Variants in PRIM2 observed in about 807,000 individuals in gnomAD.
The protein encoded by PRIM2 is DNA primase large subunit.
In PRIM2, 39 loss-of-function variants were observed where a neutral mutation model predicts 67.3. The observed-to-expected ratio is 0.58, with a 90% CI of 0.45 to 0.76. PRIM2 has a LOEUF of 0.76. Ranked by LOEUF, PRIM2 falls within the 30% of genes least tolerant of loss-of-function variation. The pLI, the probability that PRIM2 is intolerant of heterozygous loss-of-function variation, is 0.00. For synonymous variants in PRIM2, 143 were observed against 198.7 expected, an observed-to-expected ratio of 0.72 and a Z score of 2.36; for missense variants, 398 against 598.7, an observed-to-expected ratio of 0.66 and a Z score of 3.50.
chr6:57,513,518 G>A (rs1334124327), intron 8 of PRIM2, among the ~76,000 whole-genome samples: 3 of 151,998 alleles, frequency 2.0e-5, no homozygotes, highest in Non-Finnish European at 4.4e-5. Context: ...AACGCCTACA[G>A]TGTATGTATC....
chr6:57,550,064 A>C (rs1393312771), intron 10 of PRIM2, among the ~76,000 whole-genome samples: 6 of 152,156 alleles, frequency 3.9e-5, no homozygotes, highest in African/African-American at 7.2e-5. Flanking sequence ...CAGCCTGGGC[A>C]ACAAGAGCGA....
the PRIM2 span, among the ~76,000 whole-genome samples, chr6:57,289,455 C>T: frequency 8.2e-3 from 1,251 of 152,186 alleles, 24 homozygotes; most frequent in African/African-American, 0.029. Flanking sequence ...ATACAGGGAA[C>T]ACCACAAAGA....
At chr6:57,319,454 G>A (rs1767580100) in intron 2 of PRIM2, among the ~76,000 whole-genome samples, 1 of 152,222 alleles carries the variant, frequency 6.6e-6, no homozygotes, top group Non-Finnish European at 1.5e-5. Flanking sequence ...CAGAGAGGAG[G>A]CACTCAGTGC....
chr6:57,472,141 G>A (rs1476124076), intron 7 of PRIM2, among the ~76,000 whole-genome samples: 1 of 151,954 alleles, frequency 6.6e-6, no homozygotes, highest in Non-Finnish European at 1.5e-5. Flanking sequence ...CTGAAACTGT[G>A]CACTTTGGCT....
chr6:57,612,620 C>T (rs1776687291), intron 12 of PRIM2, among the ~76,000 whole-genome samples: 1 of 152,142 alleles, frequency 6.6e-6, no homozygotes, highest in South Asian at 2.1e-4. Context: ...GTGTTGATTG[C>T]AGGGTAATAT....
chr6:57,256,625 TTCTCTTAC>T, the PRIM2 span, among the ~76,000 whole-genome samples: 1 of 121,202 alleles, frequency 8.3e-6, no homozygotes, highest in African/African-American at 3.4e-5. Context: ...CTCTTTCTCT[TTCTCTTAC>T]ACACACACAC....
At chr6:57,325,631 A>G (rs1212996856) in intron 4 of PRIM2, among the ~76,000 whole-genome samples, 6 of 152,208 alleles carry the variant, frequency 3.9e-5, no homozygotes, top group African/African-American at 1.4e-4. Flanking sequence ...TTGCAGTTAC[A>G]TTAAATGCAT....
At chr6:57,614,067 C>CA (rs1406890645) in intron 12 of PRIM2, among the ~76,000 whole-genome samples, 18 of 152,130 alleles carry the variant, frequency 1.2e-4, no homozygotes, top group Admixed American at 5.2e-4. Context: ...GGTACTTGTC[C>CA]ATGGCCTGTT....
intron 8 of PRIM2, among the ~76,000 whole-genome samples, chr6:57,525,485 A>G (rs1296828594): frequency 2.6e-5 from 4 of 152,146 alleles, no homozygotes; most frequent in Non-Finnish European, 5.9e-5. Context: ...CTAGTTGCTC[A>G]TTCCTACTGA....
intron 7 of PRIM2, among the ~76,000 whole-genome samples, chr6:57,484,208 A>G (rs1562773406): frequency 6.6e-6 from 1 of 152,236 alleles, no homozygotes; most frequent in South Asian, 2.1e-4. Flanking sequence ...GCTTTAGCAC[A>G]TGGAACATTA....
chr6:57,474,143 T>C (rs1773407380), intron 7 of PRIM2, among the ~76,000 whole-genome samples: 2 of 151,826 alleles, frequency 1.3e-5, no homozygotes, highest in African/African-American at 4.8e-5. Flanking sequence ...TGTTTGTGTT[T>C]GCTATCTACT....
chr6:57,453,010 C>G (rs1419892488), intron 7 of PRIM2, among the ~76,000 whole-genome samples: 7 of 152,120 alleles, frequency 4.6e-5, no homozygotes, highest in Non-Finnish European at 8.8e-5. Flanking sequence ...ATATGGCTAG[C>G]CAGTTTTCCC....
intron 5 of PRIM2, among the ~76,000 whole-genome samples, chr6:57,378,601 G>C (rs1455759984): frequency 1.3e-5 from 2 of 152,140 alleles, no homozygotes; most frequent in African/African-American, 4.8e-5. Flanking sequence ...TAATGTGAAG[G>C]TTCCTCCAGA....
intron 7 of PRIM2, among the ~76,000 whole-genome samples, chr6:57,429,548 G>GCC (rs549064572): frequency 1.3e-5 from 2 of 152,076 alleles, no homozygotes; most frequent in African/African-American, 4.8e-5. Flanking sequence ...CTGAATTGTG[G>GCC]CCCCCCAACA....
chr6:57,630,827 A>G (rs1777027137), intron 12 of PRIM2, among the ~76,000 whole-genome samples: 1 of 152,202 alleles, frequency 6.6e-6, no homozygotes, highest in African/African-American at 2.4e-5. Flanking sequence ...AGACAACATG[A>G]ACTCAGTGTT....
chr6:57,532,444 G>C lies in PRIM2; in HGVS notation c.795G>C (p.Gln265His). Reference sequence around the variant, plus strand: ...ACACTGGCCAAGATTACAGTACCCAGGGAAATGTTGGGAAGATTTCTTTAG... The same window carrying C: ...ACACTGGCCAAGATTACAGTACCCACGGAAATGTTGGGAAGATTTCTTTAG... ...HSYTGQDYST[Q>H]GNVGKISLDQ... The change falls in exon 9 of 14, where the codon CAG becomes CAC. Residue 265 changes from glutamine (Q) to histidine (H), a missense_variant. Physicochemically the swap from Gln to His is conservative, Grantham distance 24 (BLOSUM62 0). Around this residue, in one of 4 missense-constraint regions of PRIM2, gnomAD observed 229 missense variants for 383.6 expected, o/e 0.60. Coordinates refer to ENST00000615550, the MANE Select transcript of PRIM2 (RefSeq NM_000947.5). 1 of 1,457,194 alleles carries C rather than the reference G, an allele frequency of 6.9e-7. No individual in the cohort carries two copies. The highest frequency in any genetic ancestry group is 9.3e-7 in the Non-Finnish European group (1 of 1,073,728). The allele number at this position is 1,457,194 out of a possible 1,614,324, so 90.3% of individuals were successfully genotyped here. A position where few individuals can be genotyped will look rare whatever the true frequency, so the allele number is the denominator to read the frequency against.
the PRIM2 span, among the ~76,000 whole-genome samples, chr6:57,306,163 C>T: frequency 1.3e-5 from 2 of 152,226 alleles, no homozygotes; most frequent in Non-Finnish European, 1.5e-5. Context: ...CCACTAACCT[C>T]ACTTACCATA....
chr6:57,306,136 C>A, the PRIM2 span, among the ~76,000 whole-genome samples: 2 of 152,314 alleles, frequency 1.3e-5, no homozygotes, highest in African/African-American at 4.8e-5. Flanking sequence ...GGGTGAGATT[C>A]ATTTCACTTC....
the PRIM2 span, among the ~76,000 whole-genome samples, chr6:57,282,801 C>A: frequency 8.7e-4 from 132 of 152,256 alleles, no homozygotes; most frequent in Non-Finnish European, 1.7e-3. Flanking sequence ...CTTCTGGCCT[C>A]CAGAACCATA....
Sources: allele counts gnomAD v4.1 joint callset (sites outside exome capture counted in the v4.1 genomes callset), GRCh38; gene constraint gnomAD v4.1.1; regional missense constraint gnomAD v4.1.1; transcripts MANE v1.5; gene names NCBI Gene and HGNC (gene_info 2026-07-23, HGNC 2026-07-21).